L1CAM: variants seen among roughly 807,000 people sequenced by gnomAD.
The protein encoded by L1CAM is L1 cell adhesion molecule.
Under a neutral mutation model 93.0 loss-of-function variants are expected in L1CAM, and 8 were observed. The observed-to-expected ratio is 0.09, with a 90% confidence interval of 0.05 to 0.16. L1CAM has a LOEUF of 0.16. Among genes scored for constraint, L1CAM ranks in the 10% least tolerant of loss-of-function variants. The pLI is 1.00. For synonymous variants in L1CAM, 453 were observed against 453.0 expected (o/e 1.00, Z 0.00); for missense variants, 777 against 1,073.4 (o/e 0.72, Z 3.86).
rs1557091607 is a variant in L1CAM, at chrX:153,868,011, C to T, written c.1815G>A (p.Gln605=). The T allele has an allele frequency of 4.1e-6, 5 of 1,211,282 alleles. No individual in the cohort carries two copies. The highest frequency in any genetic ancestry group is 5.6e-6 in the Non-Finnish European group (5 of 895,381). ...CCTAGGACTTACCCACCACCAAGAG[C>T]TGTGCCCTACTCTCCACCACATCCA... ...TELDVVESRA[Q]LLVVGSPGPV... is the part of the protein sequence containing the mutation. The change falls in exon 15 of 29, where the codon CAG becomes CAA. Residue 605 remains glutamine (Q), a synonymous_variant. Coordinates refer to ENST00000370060, the MANE Select transcript of L1CAM (RefSeq NM_001278116.2).
chrX:153,886,068 C>A lies in L1CAM; in HGVS notation c.-112G>T. On this transcript the variant is annotated 5_prime_UTR_variant, in exon 1 of 29. Coordinates refer to ENST00000370060, the MANE Select transcript of L1CAM (RefSeq NM_001278116.2). The stretch of plus-strand genomic sequence containing the variant: ...CGGGGAGGCCAGCCCGCCTTACCTG[C>A]GCTGCGGCCACCGCTCGGGCTGCCC... 3.3e-6 allele frequency: 1 copy of A among 307,160 alleles called. No individual in the cohort carries two copies. Among genetic ancestry groups the A allele is most frequent in the South Asian group, 1.5e-4 (1 of 6,452 alleles). The allele number at this position is 307,160 out of a possible 1,213,427, so 25.3% of individuals were successfully genotyped here. A position where few individuals can be genotyped will look rare whatever the true frequency, so the allele number is the denominator to read the frequency against.
At chrX:153,869,974 C>T (rs200748370) in intron 9 of L1CAM, 40 bp from the exon 10 acceptor site, 50 of 1,208,438 alleles carry the variant, frequency 4.1e-5, no homozygotes, top group Non-Finnish European at 4.2e-5. Flanking sequence ...CCGCAGCCAG[C>T]AGCTGGCTCT....
At chrX:153,871,027 C>A (rs200817269) in intron 6 of L1CAM, 30 bp downstream of exon 6, 13 of 1,211,242 alleles carry the variant, frequency 1.1e-5, no homozygotes, top group Non-Finnish European at 1.5e-5. Flanking sequence ...ACACCCCGAC[C>A]CCACGAGGCA....
rs201303389 is a variant in L1CAM at position 153,862,552 on chromosome X, C to T, written c.*111G>A. On this transcript the variant is annotated 3_prime_UTR_variant, in exon 29 of 29. Coordinates refer to ENST00000370060, the MANE Select transcript of L1CAM (RefSeq NM_001278116.2). ...GGGACCGGGTGGTAGGAAGGGGATC[C>T]GAGGCAGCAAGTTCTCCTCTGCCCC... 180 of 590,515 alleles carry T rather than the reference C, an allele frequency of 3.0e-4. No homozygotes were observed. The highest frequency in any genetic ancestry group is 4.5e-4 in the Non-Finnish European group (169 of 379,557). 48.7% of individuals were successfully genotyped at this position (590,515 alleles called of 1,213,427 possible).
intron 12 of L1CAM, 33 bp from the exon 13 acceptor site, chrX:153,868,760 G>A: frequency 3.3e-6 from 4 of 1,208,369 alleles, no homozygotes; most frequent in Non-Finnish European, 4.5e-6. Context: ...GGCTCTGACT[G>A]GCTGGCCTGG....
intron 19 of L1CAM, 30 bp from the exon 20 acceptor site, chrX:153,865,849 CA>C: frequency 7.7e-6 from 8 of 1,032,872 alleles, no homozygotes; most frequent in Non-Finnish European, 1.1e-5. Context: ...TGGATAGAGC[CA>C]TAGGCTCTCA....
In L1CAM at chrX:153,866,753, G is replaced by C; in HGVS notation, c.2327C>G (p.Ser776Cys). The change falls in exon 19 of 29, where the codon TCC becomes TGC. Residue 776 changes from serine (S) to cysteine (C), a missense_variant. This residue lies in a region of L1CAM where 574 missense variants were observed against 781.0 expected (regional missense o/e 0.73). Coordinates refer to ENST00000370060, the MANE Select transcript of L1CAM (RefSeq NM_001278116.2). ...ATAGGGCACGAAGGTGGACGTGTTG[G>C]ACACCACCAGGAAGGGGTCGCTGAC... ...QIVSDPFLVV[S>C]NTSTFVPYEI... The C allele has an allele frequency of 8.3e-7, 1 of 1,211,264 alleles. No individual in the cohort carries two copies. The highest frequency in any genetic ancestry group is 1.1e-6 in the Non-Finnish European group (1 of 894,993).
At position 153,875,825 on chromosome X, in the gene L1CAM, C is replaced by T. The variant is rs202173969; in HGVS notation, c.12G>A (p.Ala4=). 8 of 1,207,444 alleles carry T rather than the reference C, an allele frequency of 6.6e-6. No homozygotes were observed. The South Asian group carries it at 1.1e-4, about 16-fold the overall frequency. The change falls in exon 2 of 29, where the codon GCG becomes GCA. Residue 4 remains alanine, a synonymous_variant. Coordinates refer to ENST00000370060, the MANE Select transcript of L1CAM (RefSeq NM_001278116.2). MVV[A]LRYVWPLLLC... ...GGAGGAGAGGCCACACGTACCGCAG[C>T]GCCACGACCATCTTTCCCGGCGGCA...
intron 17 of L1CAM, 53 bp from the exon 18 acceptor site, chrX:153,867,177 C>G: frequency 9.2e-7 from 1 of 1,086,236 alleles, no homozygotes; most frequent in African/African-American, 1.8e-5. Flanking sequence ...TGGAGAGCCA[C>G]GAGGACCGAG....
At chrX:153,869,495 G>T in intron 11 of L1CAM, 25 bp downstream of exon 11, 1 of 1,209,469 alleles carries the variant, frequency 8.3e-7, no homozygotes, top group Non-Finnish European at 1.1e-6. Flanking sequence ...TGGGAGTTAG[G>T]AGGTAAGGAA....
chrX:153,871,260 T>TGGGGGGG, intron 5 of L1CAM, 81 bp from the exon 6 acceptor site: 1 of 232,155 alleles, frequency 4.3e-6, no homozygotes. Context: ...GGCAGGGGGG[T>TGGGGGGG]GGCGGGCTAC....
chrX:153,874,794 C>G (rs1044535283), intron 2 of L1CAM, among the ~76,000 whole-genome samples: 1 of 112,077 alleles, frequency 8.9e-6, no homozygotes, highest in East Asian at 2.8e-4. Flanking sequence ...CACATGATAC[C>G]CTGTGACATG....
rs2064783786 is a variant in L1CAM at position 153,872,749 on chromosome X, A to G, written c.92-52T>C. 13 of 1,007,719 alleles carry G rather than the reference A, an allele frequency of 1.3e-5. 1 individual carries two copies. Among genetic ancestry groups the G allele is most frequent in the East Asian group, 6.1e-5 (2 of 32,923 alleles). The allele number at this position is 1,007,719 out of a possible 1,213,427, so 83.0% of individuals were successfully genotyped here. A position where few individuals can be genotyped will look rare whatever the true frequency, so the allele number is the denominator to read the frequency against. Reference sequence around the variant, plus strand: ...GTGAGGGTGCTGCCTGGCTGGTGTCATAGCCTCAGCACCTGTCCCATCGTG... The same window carrying G: ...GTGAGGGTGCTGCCTGGCTGGTGTCGTAGCCTCAGCACCTGTCCCATCGTG... On this transcript the variant is annotated intron_variant, in intron 3 of 28. Transcript: ENST00000370060.
chrX:153,864,539 A>G, intron 24 of L1CAM, 46 bp downstream of exon 24: 1 of 1,208,073 alleles, frequency 8.3e-7, no homozygotes. Flanking sequence ...CCTCTGGCCC[A>G]GAGCCCCCTT....
At position 153,863,349 on chromosome X, in the gene L1CAM, C is replaced by T; in HGVS notation, c.3542+19G>A. On this transcript the variant is annotated intron_variant, in intron 28 of 28. Coordinates refer to ENST00000370060, the MANE Select transcript of L1CAM (RefSeq NM_001278116.2). Reference sequence around the variant, plus strand: ...AGGGAGACCTTGCTGTTGGCCCCTCCCCACCGCCCCTGCCTTACCTCTCCA... The same window carrying T: ...AGGGAGACCTTGCTGTTGGCCCCTCTCCACCGCCCCTGCCTTACCTCTCCA... 8.3e-7 allele frequency: 1 copy of T among 1,208,655 alleles called. No individual in the cohort carries two copies. The highest frequency in any genetic ancestry group is 1.8e-5 in the South Asian group (1 of 56,745).
intron 2 of L1CAM, 93 bp from the exon 3 acceptor site, chrX:153,873,335 C>T (rs1466796250): frequency 1.6e-5 from 15 of 917,622 alleles, no homozygotes; most frequent in Non-Finnish European, 2.4e-5. Flanking sequence ...ACATAGTAAG[C>T]TCCTGCAGCC....
chrX:153,863,080 C>G (rs925065910), intron 28 of L1CAM, among the ~76,000 whole-genome samples, 186 bp from the exon 29 acceptor site: 2 of 112,246 alleles, frequency 1.8e-5, no homozygotes, highest in African/African-American at 6.5e-5. Flanking sequence ...ATCCTGGGGA[C>G]TGTGAGGGAG....
intron 28 of L1CAM, 46 bp downstream of exon 28, chrX:153,863,322 A>G (rs1557089507): frequency 8.4e-7 from 1 of 1,189,031 alleles, no homozygotes; most frequent in Non-Finnish European, 1.1e-6. Flanking sequence ...CACATTGTCT[A>G]TAGGGAGACC....
chrX:153,867,982 C>T lies in L1CAM; in HGVS notation c.1828+16G>A. The T allele has an allele frequency of 8.3e-7, 1 of 1,210,793 alleles. No homozygotes were observed. The highest frequency in any genetic ancestry group is 1.1e-6 in the Non-Finnish European group (1 of 895,208). ...CCCCGGCCTTCTGGAGTGGAGGCTT[C>T]CACCCTAGGACTTACCCACCACCAA... On this transcript the variant is annotated intron_variant, in intron 15 of 28. Transcript: ENST00000370060.
Sources: allele counts gnomAD v4.1 joint callset (sites outside exome capture counted in the v4.1 genomes callset), GRCh38; gene constraint gnomAD v4.1.1; regional missense constraint gnomAD v4.1.1; transcripts MANE v1.5; gene names NCBI Gene and HGNC (gene_info 2026-07-23, HGNC 2026-07-21).